MYRIP: variants seen among roughly 807,000 people sequenced by gnomAD.
MYRIP encodes rab effector MyRIP.
In MYRIP, 49 loss-of-function variants were observed where a neutral mutation model predicts 98.0. The ratio of observed to expected loss-of-function variants is 0.50; its 90% confidence interval spans 0.40 to 0.63. The LOEUF (loss-of-function observed/expected upper bound fraction) is 0.63, where lower values mean the gene tolerates loss of function less well. Among genes scored for constraint, MYRIP ranks in the 30% least tolerant of loss-of-function variants. The pLI is 0.00. For synonymous variants in MYRIP, 404 were observed against 409.5 expected (o/e 0.99, Z 0.16); for missense variants, 1,004 against 1,058.2 (o/e 0.95, Z 0.71).
intron 2 of MYRIP, among the ~76,000 whole-genome samples, chr3:39,922,791 C>G (rs972832175): frequency 1.3e-5 from 2 of 152,066 alleles, no homozygotes; most frequent in African/African-American, 4.8e-5. Flanking sequence ...ATACAAGTGT[C>G]AATACAAATT....
intron 1 of MYRIP, among the ~76,000 whole-genome samples, chr3:39,888,922 G>C (rs1943397052): frequency 6.6e-6 from 1 of 152,076 alleles, no homozygotes; most frequent in South Asian, 2.1e-4. Flanking sequence ...AAAAACACAT[G>C]AAAAAATGCT....
chr3:39,837,235 C>T (rs1167105072), intron 1 of MYRIP, among the ~76,000 whole-genome samples: 4 of 152,196 alleles, frequency 2.6e-5, no homozygotes, highest in African/African-American at 7.2e-5. Context: ...TCCCATTTGT[C>T]AATTTTGGCT....
chr3:40,088,199 G>A (rs1417514654), intron 3 of MYRIP, among the ~76,000 whole-genome samples: 1 of 152,020 alleles, frequency 6.6e-6, no homozygotes, highest in African/African-American at 2.4e-5. Context: ...AGGGGAGGGG[G>A]GACAGATGTT....
At chr3:39,998,380 C>T (rs940436977) in intron 2 of MYRIP, among the ~76,000 whole-genome samples, 2 of 152,172 alleles carry the variant, frequency 1.3e-5, no homozygotes, top group African/African-American at 2.4e-5. Context: ...CATTCTTATA[C>T]ACCAATAGCA....
chr3:39,956,677 T>G (rs1945171693), intron 2 of MYRIP, among the ~76,000 whole-genome samples: 2 of 151,448 alleles, frequency 1.3e-5, no homozygotes, highest in Admixed American at 1.3e-4. Flanking sequence ...ATAACTAAGA[T>G]CAGAGCAGAA....
intron 1 of MYRIP, among the ~76,000 whole-genome samples, chr3:39,816,230 G>C (rs6599051): frequency 6.6e-5 from 10 of 151,580 alleles, no homozygotes; most frequent in Non-Finnish European, 1.2e-4. Flanking sequence ...TACAGGCGCC[G>C]GCCACCACGC....
chr3:40,044,313 A>G, intron 3 of MYRIP, 42 bp downstream of exon 3: 1 of 1,580,426 alleles, frequency 6.3e-7, no homozygotes, highest in South Asian at 1.1e-5. Context: ...CTGTTGATTT[A>G]GAGAGATTCA....
chr3:40,043,885 C>T (rs372567585), intron 2 of MYRIP, among the ~76,000 whole-genome samples, 165 bp from the exon 3 acceptor site: 43 of 152,310 alleles, frequency 2.8e-4, no homozygotes, highest in African/African-American at 1.0e-3. Flanking sequence ...CTTCTCTGGA[C>T]ATAATGTTGA....
intron 2 of MYRIP, among the ~76,000 whole-genome samples, chr3:40,036,943 A>C (rs1947398291): frequency 6.6e-6 from 1 of 152,176 alleles, no homozygotes; most frequent in Admixed American, 6.6e-5. Flanking sequence ...TATGCATGTT[A>C]ATATATTAAA....
In MYRIP at chr3:39,841,507, T is replaced by G. The variant is rs187341049; in HGVS notation, c.-31+31591T>G. On this transcript the variant is annotated intron_variant, in intron 1 of 16. Transcript: ENST00000302541. ...GTTTTGTTCCCTTGCTGGCGAGGAG[T>G]TGTGATCTTTTGGAGGAGAAGAGGC... Among the ~76,000 whole-genome samples the G allele has an allele frequency of 2.2e-4, 33 of 151,938 alleles. No individual in the cohort carries two copies. In the East Asian group the frequency reaches 6.2e-3, roughly 29 times the overall value.
chr3:40,183,674 C>T (rs1463084200), intron 9 of MYRIP, among the ~76,000 whole-genome samples: 1 of 152,218 alleles, frequency 6.6e-6, no homozygotes, highest in Non-Finnish European at 1.5e-5. Flanking sequence ...TTCCTGCATA[C>T]ACACACTGTG....
At chr3:40,253,211 A>C (rs1355254673) in intron 16 of MYRIP, among the ~76,000 whole-genome samples, 1 of 152,182 alleles carries the variant, frequency 6.6e-6, no homozygotes, top group African/African-American at 2.4e-5. Context: ...AATTCAGCAA[A>C]TCTTACCCCG....
chr3:39,998,889 C>G (rs1225125265), intron 2 of MYRIP, among the ~76,000 whole-genome samples: 4 of 152,198 alleles, frequency 2.6e-5, no homozygotes, highest in African/African-American at 9.7e-5. Flanking sequence ...CTACAACCAT[C>G]TGATCTTTGA....
intron 3 of MYRIP, among the ~76,000 whole-genome samples, chr3:40,150,465 G>A (rs1406856539): frequency 6.6e-6 from 1 of 152,210 alleles, no homozygotes; most frequent in Non-Finnish European, 1.5e-5. Flanking sequence ...GCTTCAATCT[G>A]AATGAGGAAG....
At chr3:39,999,910 G>T (rs1490426387) in intron 2 of MYRIP, among the ~76,000 whole-genome samples, 11 of 151,514 alleles carry the variant, frequency 7.3e-5, no homozygotes, top group Non-Finnish European at 1.5e-4. Context: ...ATCATTCTCA[G>T]CAAACTATCG....
rs187122304 is a variant in MYRIP, at chr3:39,855,220, C to G, written c.-31+45304C>G. ...TTAGGTATTGTCTTCTTCCTGGGGTCAGGTTTATTCTGTCATGATTTGCTG... is the reference window on the plus strand; with the variant it reads ...TTAGGTATTGTCTTCTTCCTGGGGTGAGGTTTATTCTGTCATGATTTGCTG... On this transcript the variant is annotated intron_variant, in intron 1 of 16. Coordinates refer to ENST00000302541, the MANE Select transcript of MYRIP (RefSeq NM_015460.4). Among the ~76,000 whole-genome samples, 280 of 152,198 alleles carry G rather than the reference C, an allele frequency of 1.8e-3. 1 individual carries two copies. Among genetic ancestry groups the G allele is most frequent in the African/African-American group, 6.5e-3 (268 of 41,518 alleles).
intron 10 of MYRIP, among the ~76,000 whole-genome samples, chr3:40,203,297 TAGA>T (rs2125650114): frequency 6.6e-6 from 1 of 152,224 alleles, no homozygotes; most frequent in East Asian, 1.9e-4. Context: ...CAAGAATTTT[TAGA>T]AGACCTCCAG....
chr3:40,176,288 C>A (rs1017571699), intron 8 of MYRIP, among the ~76,000 whole-genome samples: 3 of 152,172 alleles, frequency 2.0e-5, no homozygotes, highest in Non-Finnish European at 4.4e-5. Context: ...AAATCTAGTT[C>A]TTTGGTCACA....
rs1342109534 is a variant in MYRIP, at chr3:40,157,167, C to G, written c.470-5563C>G. On this transcript the variant is annotated intron_variant, in intron 4 of 16. Coordinates refer to ENST00000302541, the MANE Select transcript of MYRIP (RefSeq NM_015460.4). ...AGCTCTTATTATTTTGAAATACGTC[C>G]CATCAATACCTAATTTATTGAGAGT... 2.0e-5 allele frequency among the ~76,000 whole-genome samples: 3 copies of G among 147,036 alleles called. No homozygotes were observed. The South Asian group carries it at 6.8e-4, about 33-fold the overall frequency.
Sources: gnomAD v4.1 joint callset for allele counts (sites outside exome capture counted in the v4.1 genomes callset) on GRCh38, gnomAD v4.1.1 for gene constraint, MANE v1.5 for transcripts, NCBI Gene and HGNC (gene_info 2026-07-23, HGNC 2026-07-21) for gene names.